The following PGM2L1 variants were observed in gnomAD, a reference collection of about 807,000 sequenced individuals.
PGM2L1 encodes phosphoglucomutase 2 like 1.
A neutral mutation model predicts 73.4 loss-of-function variants in PGM2L1; 35 were observed. The ratio of observed to expected loss-of-function variants is 0.48; its 90% CI spans 0.36 to 0.63. The LOEUF (loss-of-function observed/expected upper bound fraction) is 0.63, where lower values mean the gene tolerates loss of function less well. PGM2L1 is among the 30% of genes least tolerant of loss of function. The probability of loss-of-function intolerance (pLI) is 0.00; values close to 1 mark genes in which losing one functional copy is unlikely to be tolerated. For missense variants in PGM2L1, 570 were observed against 742.0 expected (o/e 0.77, Z 2.69); for synonymous variants, 225 against 253.8 (o/e 0.89, Z 1.08).
chr11:74,364,752 AT>A (rs1862627504), intron 5 of PGM2L1, among the ~76,000 whole-genome samples: 1 of 152,236 alleles, frequency 6.6e-6, no homozygotes, highest in Non-Finnish European at 1.5e-5. Context: ...ATGCTCATGG[AT>A]AGGAAGAATC....
chr11:74,369,048 C>A (rs1862708519), intron 4 of PGM2L1, among the ~76,000 whole-genome samples: 1 of 152,160 alleles, frequency 6.6e-6, no homozygotes. Flanking sequence ...ATTTCAGTTA[C>A]CACGGTAATA....
chr11:74,376,782 CT>C (rs1006670097), intron 1 of PGM2L1, among the ~76,000 whole-genome samples: 16 of 152,006 alleles, frequency 1.1e-4, no homozygotes, highest in African/African-American at 3.9e-4. Flanking sequence ...TGTTGAAAAA[CT>C]GGTAAGTTAG....
intron 1 of PGM2L1, among the ~76,000 whole-genome samples, chr11:74,390,753 C>A (rs1468567551): frequency 6.6e-6 from 1 of 152,174 alleles, no homozygotes; most frequent in East Asian, 1.9e-4. Context: ...CCCAAAATAA[C>A]TTGATAACAT....
Position 74,398,424 on chromosome 11 carries a change from A to G in PGM2L1, c.-263T>C. The G allele has an allele frequency of 1.0e-5, 4 of 396,988 alleles. No individual in the cohort carries two copies. Among genetic ancestry groups the G allele is most frequent in the East Asian group, 1.0e-4 (2 of 19,970 alleles). 24.6% of individuals were successfully genotyped at this position (396,988 alleles called of 1,614,324 possible). ...GGCGGTCGCGCCGCGAGAGAACAAC[A>G]GTCCCAGATGTCTGGGTCCTGGCTC... On this transcript the variant is annotated 5_prime_UTR_variant, in exon 1 of 14. Coordinates refer to ENST00000298198, the MANE Select transcript of PGM2L1 (RefSeq NM_173582.6).
At chr11:74,393,734 G>A (rs781320183) in intron 1 of PGM2L1, among the ~76,000 whole-genome samples, 37 of 152,128 alleles carry the variant, frequency 2.4e-4, no homozygotes, top group Middle Eastern at 3.2e-3. Flanking sequence ...TTGATATATA[G>A]GAAGTTCAAC....
At chr11:74,374,669 C>G (rs1862830758) in intron 1 of PGM2L1, 87 bp from the exon 2 acceptor site, 1 of 1,123,606 alleles carries the variant, frequency 8.9e-7, no homozygotes, top group African/African-American at 1.6e-5. Flanking sequence ...ATGTACATAT[C>G]ACAAGGTTCA....
At chr11:74,356,034 C>A (rs940841497) in intron 5 of PGM2L1, among the ~76,000 whole-genome samples, 10 of 151,282 alleles carry the variant, frequency 6.6e-5, no homozygotes, top group Admixed American at 2.0e-4. Flanking sequence ...ATAGTCTGAT[C>A]ATGATGCTGA....
chr11:74,346,351 G>A (rs1862266945), intron 8 of PGM2L1, among the ~76,000 whole-genome samples: 1 of 150,338 alleles, frequency 6.7e-6, no homozygotes, highest in Admixed American at 6.6e-5. Flanking sequence ...GCGATCTGTT[G>A]GGATATTATG....
intron 3 of PGM2L1, 48 bp from the exon 4 acceptor site, chr11:74,371,034 A>T (rs1862744545): frequency 2.1e-6 from 3 of 1,404,756 alleles, no homozygotes; most frequent in African/African-American, 2.9e-5. Flanking sequence ...CATACTTTTT[A>T]AAAACCAACC....
At chr11:74,363,562 A>T (rs930259835) in intron 5 of PGM2L1, among the ~76,000 whole-genome samples, 7 of 152,358 alleles carry the variant, frequency 4.6e-5, no homozygotes, top group African/African-American at 1.7e-4. Context: ...CCACAGAAAT[A>T]CAAACTACCA....
chr11:74,346,587 C>G, intron 8 of PGM2L1, 145 bp downstream of exon 8: 1 of 582,324 alleles, frequency 1.7e-6, no homozygotes, highest in South Asian at 2.9e-5. Flanking sequence ...AAAGTATCAA[C>G]TTAGGTGGTT....
chr11:74,381,779 G>T (rs978187484), intron 1 of PGM2L1, among the ~76,000 whole-genome samples: 3 of 151,848 alleles, frequency 2.0e-5, no homozygotes, highest in Non-Finnish European at 2.9e-5. Context: ...TGAAAGATCA[G>T]TAGGAGTTGG....
At chr11:74,381,571 CTTTTTTT>C (rs1195996518) in intron 1 of PGM2L1, among the ~76,000 whole-genome samples, 6 of 95,432 alleles carry the variant, frequency 6.3e-5, no homozygotes, top group Admixed American at 3.7e-4. Flanking sequence ...GTGTTTTTGT[CTTTTTTT>C]TTTTTTTTTT....
At chr11:74,364,161 A>G (rs1044604269) in intron 5 of PGM2L1, among the ~76,000 whole-genome samples, 9 of 152,240 alleles carry the variant, frequency 5.9e-5, no homozygotes, top group Non-Finnish European at 1.2e-4. Flanking sequence ...ACAAAATTCA[A>G]CAGCCCTTCA....
chr11:74,387,991 C>A (rs1488609605), intron 1 of PGM2L1, among the ~76,000 whole-genome samples: 1 of 152,136 alleles, frequency 6.6e-6, no homozygotes, highest in Non-Finnish European at 1.5e-5. Flanking sequence ...TCTTTTTTTA[C>A]ATATATGGCA....
At position 74,331,050 on chromosome 11, in the gene PGM2L1, A is replaced by G. The variant is rs1209644781; in HGVS notation, c.*5602T>C. On this transcript the variant is annotated 3_prime_UTR_variant, in exon 14 of 14. Transcript: ENST00000298198. Reference sequence around the variant, plus strand: ...TAATTCCTAGTATCAGCAATTAAACACTCTATAACAGGTACTGAACTAGGT... The same window carrying G: ...TAATTCCTAGTATCAGCAATTAAACGCTCTATAACAGGTACTGAACTAGGT... The G allele has an allele frequency of 6.6e-6, 1 of 152,134 alleles. No homozygotes were observed. Among genetic ancestry groups the G allele is most frequent in the Non-Finnish European group, 1.5e-5 (1 of 68,020 alleles). The allele number at this position is 152,134 out of a possible 1,614,324, so 9.4% of individuals were successfully genotyped here. A position where few individuals can be genotyped will look rare whatever the true frequency, so the allele number is the denominator to read the frequency against.
chr11:74,375,988 AAT>A (rs1862847430), intron 1 of PGM2L1, among the ~76,000 whole-genome samples: 1 of 152,218 alleles, frequency 6.6e-6, no homozygotes, highest in Non-Finnish European at 1.5e-5. Flanking sequence ...GCAAAAATTG[AAT>A]AGACTCTTCA....
intron 12 of PGM2L1, among the ~76,000 whole-genome samples, chr11:74,340,418 T>C (rs913423768): frequency 3.3e-5 from 5 of 152,176 alleles, no homozygotes; most frequent in African/African-American, 1.2e-4. Flanking sequence ...AGTAGACACA[T>C]ATATACTCAT....
At chr11:74,357,425 A>G (rs1003367905) in intron 5 of PGM2L1, among the ~76,000 whole-genome samples, 5 of 152,222 alleles carry the variant, frequency 3.3e-5, no homozygotes, top group Non-Finnish European at 7.3e-5. Flanking sequence ...GTATGAAAAG[A>G]TGCTTCACAT....
Sources: allele counts gnomAD v4.1 joint callset (sites outside exome capture counted in the v4.1 genomes callset), GRCh38; gene constraint gnomAD v4.1.1; transcripts MANE v1.5; gene names NCBI Gene and HGNC (gene_info 2026-07-23, HGNC 2026-07-21).